CADM2: variants seen among roughly 807,000 people sequenced by gnomAD.
CADM2 encodes immunoglobulin superfamily member 4D.
A neutral mutation model predicts 49.8 loss-of-function variants in CADM2; 12 were observed. The observed-to-expected ratio is 0.24, with a 90% CI of 0.15 to 0.39. CADM2 has a LOEUF of 0.39. Ranked by LOEUF, CADM2 falls within the 10% of genes least tolerant of loss-of-function variation. CADM2 has a pLI of 1.00. For missense variants in CADM2, 378 were observed against 492.3 expected (o/e 0.77, Z 2.20); for synonymous variants, 214 against 175.4 (o/e 1.22, Z -1.74).
intron 1 of CADM2, among the ~76,000 whole-genome samples, chr3:85,365,787 T>A (rs1012659743): frequency 1.3e-5 from 2 of 152,180 alleles, no homozygotes; most frequent in Non-Finnish European, 1.5e-5. Flanking sequence ...ATTTAAAAAT[T>A]GAACTTTTTC....
chr3:85,878,193 T>C (rs1357326490), intron 3 of CADM2, among the ~76,000 whole-genome samples: 1 of 152,096 alleles, frequency 6.6e-6, no homozygotes, highest in East Asian at 1.9e-4. Context: ...CTTAAGAATG[T>C]GTTGTCCATT....
chr3:85,925,128 T>G (rs992221142), intron 6 of CADM2, among the ~76,000 whole-genome samples: 1 of 143,694 alleles, frequency 7.0e-6, no homozygotes, highest in African/African-American at 2.7e-5. Context: ...GTAATCTTCT[T>G]TGCTTCTGAC....
Position 85,566,432 on chromosome 3 carries a change from A to T in CADM2, c.62-160090A>T, listed in dbSNP as rs549114252. 2.0e-5 allele frequency among the ~76,000 whole-genome samples: 3 copies of T among 152,226 alleles called. No homozygotes were observed. In the East Asian group the frequency reaches 5.8e-4, roughly 29 times the overall value. ...TCAGAGAAAACAAGCAACCTACATA[A>T]CACATTACTCAATTTGTCCAAGCCT... On this transcript the variant is annotated intron_variant, in intron 1 of 9. Coordinates refer to ENST00000383699, the MANE Select transcript of CADM2 (RefSeq NM_001167675.2).
intron 1 of CADM2, among the ~76,000 whole-genome samples, chr3:85,235,332 G>C (rs1042828736): frequency 6.6e-6 from 1 of 151,854 alleles, no homozygotes; most frequent in Non-Finnish European, 1.5e-5. Context: ...TCTATGCCTT[G>C]GAGTTTTTGA....
intron 1 of CADM2, among the ~76,000 whole-genome samples, chr3:85,264,695 A>G (rs2043084235): frequency 6.6e-6 from 1 of 152,086 alleles, no homozygotes; most frequent in South Asian, 2.1e-4. Context: ...TTTCCACCAA[A>G]CAGATATAAT....
chr3:85,468,183 A>AAAT (rs2038603005), intron 1 of CADM2, among the ~76,000 whole-genome samples: 1 of 129,968 alleles, frequency 7.7e-6, no homozygotes, highest in African/African-American at 2.7e-5. Context: ...AAAAAAAAAC[A>AAAT]TTGAGGCAGG....
At chr3:85,134,577 A>G (rs1254996454) in intron 1 of CADM2, among the ~76,000 whole-genome samples, 1 of 152,360 alleles carries the variant, frequency 6.6e-6, no homozygotes, top group East Asian at 1.9e-4. Flanking sequence ...TAGTACCAAT[A>G]TATCTGTTAT....
chr3:85,354,649 A>G (rs1310050794), intron 1 of CADM2, among the ~76,000 whole-genome samples: 1 of 151,578 alleles, frequency 6.6e-6, no homozygotes, highest in Non-Finnish European at 1.5e-5. Flanking sequence ...AGAGAAGCCT[A>G]TTCTGTTGCT....
At position 85,530,485 on chromosome 3, in the gene CADM2, C is replaced by T. The variant is rs539045203; in HGVS notation, c.62-196037C>T. Among the ~76,000 whole-genome samples the T allele has an allele frequency of 1.4e-4, 22 of 152,022 alleles. No homozygotes were observed. In the South Asian group the frequency reaches 3.5e-3, roughly 24 times the overall value. On this transcript the variant is annotated intron_variant, in intron 1 of 9. Coordinates refer to ENST00000383699, the MANE Select transcript of CADM2 (RefSeq NM_001167675.2). ...CGCTGGGACTACAGGCGCCCGCCAC[C>T]ACACCCTGCTAATTTTTGTATTTTC...
intron 1 of CADM2, among the ~76,000 whole-genome samples, chr3:85,533,666 C>G (rs2061368051): frequency 6.6e-6 from 1 of 152,068 alleles, no homozygotes; most frequent in Non-Finnish European, 1.5e-5. Flanking sequence ...CCCTGTGAAT[C>G]TAGACAGAAA....
At chr3:85,511,777 A>G (rs1298210137) in intron 1 of CADM2, 6 of 473,214 alleles carry the variant, frequency 1.3e-5, no homozygotes, top group South Asian at 1.8e-4. Context: ...GTAATCCACC[A>G]TCTCTCATTT....
At chr3:85,529,721 C>T (rs1442625133) in intron 1 of CADM2, among the ~76,000 whole-genome samples, 1 of 151,966 alleles carries the variant, frequency 6.6e-6, no homozygotes, top group Non-Finnish European at 1.5e-5. Context: ...ATTTACCTGC[C>T]CTCAGCATTT....
chr3:84,982,737 A>T (rs7626127), intron 1 of CADM2, among the ~76,000 whole-genome samples: 2 of 115,372 alleles, frequency 1.7e-5, no homozygotes, highest in African/African-American at 3.5e-5. Flanking sequence ...ATATATATAC[A>T]TTTTTTGTTT....
At chr3:85,107,631 T>TTTTCTTTCTTTCTTTC (rs371715710) in intron 1 of CADM2, among the ~76,000 whole-genome samples, 306 of 137,926 alleles carry the variant, frequency 2.2e-3, no homozygotes, top group Middle Eastern at 0.011. Context: ...CTTTCTTTCT[T>TTTTCTTTCTTTCTTTC]TTTCTTTCTT....
intron 3 of CADM2, among the ~76,000 whole-genome samples, chr3:85,839,564 T>C (rs2074551392): frequency 6.6e-6 from 1 of 151,864 alleles, no homozygotes; most frequent in Non-Finnish European, 1.5e-5. Flanking sequence ...TGAGTGCACA[T>C]TGCAATTGGT....
At chr3:85,013,102 T>C (rs2034073738) in intron 1 of CADM2, among the ~76,000 whole-genome samples, 1 of 150,124 alleles carries the variant, frequency 6.7e-6, no homozygotes. Context: ...CATTTGATGA[T>C]ATGACCCACT....
rs540875585 is a variant in CADM2 at position 84,996,293 on chromosome 3, T to C, written c.61+36625T>C. On this transcript the variant is annotated intron_variant, in intron 1 of 9. Coordinates refer to ENST00000383699, the MANE Select transcript of CADM2 (RefSeq NM_001167675.2). ...GTTATTAATATTAAGTTAAATTGCC[T>C]CTATGTTTAAATTATGGTTATGAAG... Among the ~76,000 whole-genome samples, 7 of 152,264 alleles carry C rather than the reference T, an allele frequency of 4.6e-5. No homozygotes were observed. In the South Asian group the frequency reaches 1.4e-3, roughly 32 times the overall value.
chr3:85,271,183 G>C (rs578241003), intron 1 of CADM2, among the ~76,000 whole-genome samples: 1 of 151,488 alleles, frequency 6.6e-6, no homozygotes, highest in South Asian at 2.1e-4. Context: ...ATATGTAAGA[G>C]TGAATTCAAT....
At chr3:85,597,894 A>T (rs2063289936) in intron 1 of CADM2, among the ~76,000 whole-genome samples, 1 of 152,176 alleles carries the variant, frequency 6.6e-6, no homozygotes, top group East Asian at 1.9e-4. Flanking sequence ...TCTTTTAGTT[A>T]TATATTTTGG....
Sources: gnomAD v4.1 joint callset for allele counts (sites outside exome capture counted in the v4.1 genomes callset) on GRCh38, gnomAD v4.1.1 for gene constraint, MANE v1.5 for transcripts, NCBI Gene and HGNC (gene_info 2026-07-23, HGNC 2026-07-21) for gene names.